OSBPL5: variants seen among roughly 807,000 people sequenced by gnomAD.
OSBPL5 encodes the protein oxysterol binding protein like 5.
Under a neutral mutation model 111.2 loss-of-function variants are expected in OSBPL5, and 71 were observed. The observed-to-expected ratio is 0.64, with a 90% CI of 0.53 to 0.78. The LOEUF (loss-of-function observed/expected upper bound fraction) is 0.78, where lower values mean the gene tolerates loss of function less well. Among genes scored for constraint, OSBPL5 ranks in the 30% least tolerant of loss-of-function variants. The probability of loss-of-function intolerance (pLI) is 0.00; values close to 1 mark genes in which losing one functional copy is unlikely to be tolerated. For missense variants in OSBPL5, 1,210 were observed against 1,189.3 expected, an observed-to-expected ratio of 1.02 and a Z score of -0.26; for synonymous variants, 549 against 513.9, an observed-to-expected ratio of 1.07 and a Z score of -0.93.
At chr11:3,103,020 T>C (rs1171184114) in intron 11 of OSBPL5, among the ~76,000 whole-genome samples, 1 of 152,098 alleles carries the variant, frequency 6.6e-6, no homozygotes, top group East Asian at 1.9e-4. Flanking sequence ...AGACCACCCT[T>C]GGGGACCCGG....
chr11:3,100,147 G>A lies in OSBPL5; in HGVS notation c.1621+11C>T. Reference sequence around the variant, plus strand: ...GGCTCTGCCCTCGGAGTGTGTGGCTGAGCCTCTCACCTTTGCAGTGGGCGT... The same window carrying A: ...GGCTCTGCCCTCGGAGTGTGTGGCTAAGCCTCTCACCTTTGCAGTGGGCGT... On this transcript the variant is annotated intron_variant, in intron 14 of 21. Coordinates refer to ENST00000263650, the MANE Select transcript of OSBPL5 (RefSeq NM_020896.4). 2 of 1,613,252 alleles carry A rather than the reference G, an allele frequency of 1.2e-6. No individual in the cohort carries two copies. Among genetic ancestry groups the A allele is most frequent in the Non-Finnish European group, 1.7e-6 (2 of 1,179,384 alleles).
At chr11:3,114,662 G>C (rs991747083) in intron 7 of OSBPL5, among the ~76,000 whole-genome samples, 13 of 141,046 alleles carry the variant, frequency 9.2e-5, no homozygotes, top group African/African-American at 3.5e-4. Context: ...GCAGTGGCGT[G>C]ATCTTGGCTC....
chr11:3,139,205 A>G (rs952127513), intron 1 of OSBPL5, among the ~76,000 whole-genome samples: 1 of 152,220 alleles, frequency 6.6e-6, no homozygotes, highest in African/African-American at 2.4e-5. Context: ...CCTGAGAGCC[A>G]GGGAGGTGGA....
In OSBPL5 at chr11:3,100,203, G is replaced by A. The variant is rs1219779934; in HGVS notation, c.1576C>T (p.Arg526Ter). Residue 526 changes from arginine (R) to a stop codon, truncating the protein, a stop_gained, in exon 14 of 22, where the codon CGA becomes TGA. Transcript: ENST00000263650. LOFTEE classifies it high-confidence loss of function. ...DGKATLTFLN[R>*]AEDYTLTMPY... is the part of the protein sequence containing the mutation. Reference sequence around the variant, plus strand: ...ATGGTAAGGGTGTAATCCTCGGCTCGGTTCAGGAAGGTGAGCGTGGCTTTG... The same window carrying A: ...ATGGTAAGGGTGTAATCCTCGGCTCAGTTCAGGAAGGTGAGCGTGGCTTTG... 1.2e-6 allele frequency: 2 copies of A among 1,614,134 alleles called. No individual in the cohort carries two copies. Among genetic ancestry groups the A allele is most frequent in the Non-Finnish European group, 1.7e-6 (2 of 1,180,034 alleles).
intron 10 of OSBPL5, among the ~76,000 whole-genome samples, chr11:3,103,836 CTCTGCAGCCCCTTTCCAGTCTGCGCA>C (rs1198003074): frequency 2.7e-4 from 27 of 99,608 alleles, no homozygotes; most frequent in African/African-American, 9.5e-4. Flanking sequence ...CCCTTCCAGC[CTCTGCAGCCCCTTTCCAGTCTGCGCA>C]GCCCCCTTCC....
chr11:3,103,315 G>A lies in OSBPL5; in HGVS notation c.1250C>T (p.Ala417Val), dbSNP rs1356136608. The A allele has an allele frequency of 6.9e-6, 11 of 1,604,214 alleles. No homozygotes were observed. The South Asian group carries it at 1.0e-4, about 15-fold the overall frequency. The change falls in exon 11 of 22, where the codon GCG becomes GTG. Residue 417 changes from alanine to valine, a missense_variant. Ala to Val is a moderately conservative substitution (Grantham distance 64). Coordinates refer to ENST00000263650, the MANE Select transcript of OSBPL5 (RefSeq NM_020896.4). ...GCGGCTGTAGGCATCCTCCTCCACC[G>A]CAGCCCTGCCATGGGGCAGGAGAAC... is the stretch of plus-strand genomic sequence containing the variant. Reference protein sequence around the residue: ...YYHADLLSRAAVEEDAYSRMK... With the variant: ...YYHADLLSRAVVEEDAYSRMK...
chr11:3,132,797 GCA>G (rs905324298), intron 1 of OSBPL5, among the ~76,000 whole-genome samples: 3 of 152,174 alleles, frequency 2.0e-5, no homozygotes, highest in African/African-American at 7.2e-5. Context: ...TTTGTTCTTC[GCA>G]CACACTTCTC....
chr11:3,149,694 C>A (rs1332358666), intron 1 of OSBPL5, among the ~76,000 whole-genome samples: 1 of 152,206 alleles, frequency 6.6e-6, no homozygotes, highest in East Asian at 1.9e-4. Flanking sequence ...CAGCGGTGCT[C>A]CCCGAGGCCC....
In OSBPL5 at chr11:3,155,732, C is replaced by T. The variant is rs138377839; in HGVS notation, c.-22+9484G>A. On this transcript the variant is annotated intron_variant, in intron 1 of 21. Coordinates refer to ENST00000263650, the MANE Select transcript of OSBPL5 (RefSeq NM_020896.4). ...CGGATGGCCAGGGCAGCAGCCACTA[C>T]GCCGACAGTTCACTTCCATTTAACC... Among the ~76,000 whole-genome samples, 807 of 152,372 alleles carry T rather than the reference C, an allele frequency of 5.3e-3. 5 individuals are homozygous for T. Among genetic ancestry groups the T allele is most frequent in the African/African-American group, 0.018 (757 of 41,586 alleles).
chr11:3,101,812 C>T (rs1438529507), intron 12 of OSBPL5, 113 bp from the exon 13 acceptor site: 2 of 864,336 alleles, frequency 2.3e-6, no homozygotes, highest in Admixed American at 2.4e-5. Context: ...ACATCTTCTC[C>T]CCCGATCCCA....
chr11:3,137,592 C>G (rs759965397), intron 1 of OSBPL5, among the ~76,000 whole-genome samples: 1 of 152,176 alleles, frequency 6.6e-6, no homozygotes, highest in African/African-American at 2.4e-5. Flanking sequence ...GCGGGTGGAT[C>G]GCTTGAGCCT....
rs544976228 is a variant in OSBPL5 at position 3,155,141 on chromosome 11, T to G, written c.-22+10075A>C. On this transcript the variant is annotated intron_variant, in intron 1 of 21. Transcript: ENST00000263650. ...AAGGCCTCGATCTTGGACTCCAGCC[T>G]CCAGAACTGAGAGAGAATCAACGTC... 9.9e-5 allele frequency among the ~76,000 whole-genome samples: 15 copies of G among 152,280 alleles called. No homozygotes were observed. The East Asian group carries it at 2.7e-3, about 27-fold the overall frequency.
Position 3,101,715 on chromosome 11 carries a change from C to A in OSBPL5, c.1426-16G>T, listed in dbSNP as rs201884402. On this transcript the variant is annotated splice_polypyrimidine_tract_variant and intron_variant, in intron 12 of 21. Transcript: ENST00000263650. Reference sequence around the variant, plus strand: ...GGTGGGACACCTGCGTGCAGGGAGGCGGCTCTGTAAACAGCCCCGGAAACA... The same window carrying A: ...GGTGGGACACCTGCGTGCAGGGAGGAGGCTCTGTAAACAGCCCCGGAAACA... 6.2e-7 allele frequency: 1 copy of A among 1,607,216 alleles called. No individual in the cohort carries two copies. The highest frequency in any genetic ancestry group is 1.7e-5 in the Admixed American group (1 of 59,930).
intron 1 of OSBPL5, among the ~76,000 whole-genome samples, chr11:3,131,643 TCATC>T (rs1845788356): frequency 2.6e-5 from 3 of 114,282 alleles, no homozygotes; most frequent in South Asian, 3.1e-4. Flanking sequence ...ACCCGTCTAT[TCATC>T]CATCCATCTA....
intron 17 of OSBPL5, chr11:3,093,307 C>T: frequency 2.5e-6 from 2 of 794,046 alleles, no homozygotes; most frequent in Non-Finnish European, 3.9e-6. Context: ...GGCAGTGATG[C>T]AGTGAGAGGT....
intron 17 of OSBPL5, 194 bp from the exon 18 acceptor site, chr11:3,093,246 T>C: frequency 1.4e-6 from 1 of 738,966 alleles, no homozygotes; most frequent in Admixed American, 3.0e-5. Flanking sequence ...AACACTGAGC[T>C]CCCATCTCCC....
At position 3,119,600 on chromosome 11, in the gene OSBPL5, G is replaced by A. The variant is rs745771474; in HGVS notation, c.638C>T (p.Thr213Ile). Reference sequence around the variant, plus strand: ...CAGGTAGCTGCTGGGCAGGGGCTGTGTGATGGAGCCCACGCTCTCACCTTT... The same window carrying A: ...CAGGTAGCTGCTGGGCAGGGGCTGTATGATGGAGCCCACGCTCTCACCTTT... ...GPKGESVGSI[T>I]QPLPSSYLIF... The change falls in exon 7 of 22, where the codon ACA becomes ATA. Residue 213 changes from threonine (T) to isoleucine (I), a missense_variant. By Grantham distance (89) the Thr-to-Ile change is moderately conservative. Coordinates refer to ENST00000263650, the MANE Select transcript of OSBPL5 (RefSeq NM_020896.4). 6.3e-7 allele frequency: 1 copy of A among 1,575,780 alleles called. No individual in the cohort carries two copies.
intron 13 of OSBPL5, 53 bp from the exon 14 acceptor site, chr11:3,100,309 C>G (rs1857409250): frequency 1.3e-6 from 2 of 1,512,000 alleles, no homozygotes; most frequent in Admixed American, 1.7e-5. Context: ...CCTTTCACAT[C>G]TGAGGCCACC....
Position 3,126,989 on chromosome 11 carries a change from T to C in OSBPL5, c.137-434A>G, listed in dbSNP as rs929132907. Among the ~76,000 whole-genome samples the C allele has an allele frequency of 1.3e-5, 2 of 152,160 alleles. No homozygotes were observed. The highest frequency in any genetic ancestry group is 1.5e-5 in the Non-Finnish European group (1 of 68,008). On this transcript the variant is annotated intron_variant, in intron 2 of 21. Coordinates refer to ENST00000263650, the MANE Select transcript of OSBPL5 (RefSeq NM_020896.4). This position sits in a 1 kb window ranked among gnomAD's most constrained non-coding sequence, Gnocchi z 6.5. The stretch of plus-strand genomic sequence containing the variant: ...TGCTGCCGGCCCCTGCGTGCTGGGC[T>C]CTTGCTGGGAGGTGGTCAGCCCTGT...
Sources: allele counts gnomAD v4.1 joint callset (sites outside exome capture counted in the v4.1 genomes callset), GRCh38; gene constraint gnomAD v4.1.1; non-coding constraint Gnocchi (gnomAD v3.1); transcripts MANE v1.5; gene names NCBI Gene and HGNC (gene_info 2026-07-23, HGNC 2026-07-21).